The following SLC28A1 variants were observed in gnomAD, a reference collection of about 807,000 sequenced individuals.
SLC28A1 encodes the protein solute carrier family 28 member 1, also known as sodium/nucleoside cotransporter 1.
Under a neutral mutation model 74.8 loss-of-function variants are expected in SLC28A1, and 64 were observed. The ratio of observed to expected loss-of-function variants is 0.86; its 90% CI spans 0.70 to 1.05. The LOEUF is 1.05. Among genes scored for constraint, SLC28A1 ranks in the 50% least tolerant of loss-of-function variants. The pLI is 0.00. For synonymous variants in SLC28A1, 359 were observed against 335.0 expected (o/e 1.07, Z -0.78); for missense variants, 828 against 822.8 (o/e 1.01, Z -0.08).
At chr15:84,956,467 C>CTTT in the SLC28A1 span, among the ~76,000 whole-genome samples, 3,466 of 49,396 alleles carry the variant, frequency 0.07, 158 homozygotes, top group African/African-American at 0.15. Context: ...TTCTTTCTTT[C>CTTT]CTTCTTTCTT....
intron 9 of SLC28A1, among the ~76,000 whole-genome samples, chr15:84,912,817 CA>C (rs1968524949): frequency 7.8e-6 from 1 of 128,236 alleles, no homozygotes; most frequent in Non-Finnish European, 1.9e-5. Flanking sequence ...CACACACACA[CA>C]CACACACACA....
Position 84,935,956 on chromosome 15 carries a change from T to G in SLC28A1, c.1581+438T>G, listed in dbSNP as rs151077728. 4.6e-3 allele frequency among the ~76,000 whole-genome samples: 339 copies of G among 73,490 alleles called. 11 individuals carry two copies. Among genetic ancestry groups the G allele is most frequent in the South Asian group, 0.01 (10 of 970 alleles). The allele number at this position is 73,490 out of a possible 152,430, so 48.2% of individuals were successfully genotyped here. On this transcript the variant is annotated intron_variant, in intron 15 of 18. Coordinates refer to ENST00000394573, the MANE Select transcript of SLC28A1 (RefSeq NM_004213.5). ...TTTGTTTTGGTTTGGTTTTTGTTTTTTTTTTTTTTTTTTTTTGAGACGGAG... is the reference window on the plus strand; with the variant it reads ...TTTGTTTTGGTTTGGTTTTTGTTTTGTTTTTTTTTTTTTTTTGAGACGGAG...
chr15:84,959,099 CAAAAAAA>C, the SLC28A1 span, among the ~76,000 whole-genome samples: 1 of 47,094 alleles, frequency 2.1e-5, no homozygotes, highest in East Asian at 7.3e-4. Flanking sequence ...GGCTTCATCT[CAAAAAAA>C]AAAAAAAAAA....
At chr15:84,943,671 G>A (rs1304356778) in intron 16 of SLC28A1, 145 bp downstream of exon 16, 3 of 705,382 alleles carry the variant, frequency 4.3e-6, no homozygotes, top group Non-Finnish European at 5.1e-6. Flanking sequence ...GCTCATGCCT[G>A]TAATCCCAGC....
chr15:84,915,788 T>C (rs907733997), intron 9 of SLC28A1, among the ~76,000 whole-genome samples: 1 of 152,138 alleles, frequency 6.6e-6, no homozygotes, highest in Non-Finnish European at 1.5e-5. Flanking sequence ...AGCCCTTGGC[T>C]ATTTCTTTGT....
the SLC28A1 span, among the ~76,000 whole-genome samples, chr15:84,969,155 G>A: frequency 5.9e-5 from 9 of 152,270 alleles, no homozygotes; most frequent in East Asian, 7.7e-4. Context: ...GAGTCTCTGC[G>A]GAAGGACAGA....
chr15:84,927,731 C>G (rs573872681), intron 12 of SLC28A1, among the ~76,000 whole-genome samples: 30 of 152,238 alleles, frequency 2.0e-4, no homozygotes, highest in African/African-American at 6.7e-4. Context: ...TTATGGCTAG[C>G]CTTGAAGGAG....
At chr15:84,899,791 G>A (rs1966405105) in intron 6 of SLC28A1, among the ~76,000 whole-genome samples, 1 of 152,174 alleles carries the variant, frequency 6.6e-6, no homozygotes, top group Non-Finnish European at 1.5e-5. Flanking sequence ...TGCTTGGGAA[G>A]CTGAGAAAGG....
chr15:84,918,239 A>G (rs1419319666), intron 9 of SLC28A1, among the ~76,000 whole-genome samples: 1 of 151,952 alleles, frequency 6.6e-6, no homozygotes, highest in Non-Finnish European at 1.5e-5. Context: ...CTCAGGCCCC[A>G]CCCTACCACA....
At chr15:84,967,474 C>A in the SLC28A1 span, among the ~76,000 whole-genome samples, 1 of 152,228 alleles carries the variant, frequency 6.6e-6, no homozygotes, top group Non-Finnish European at 1.5e-5. Flanking sequence ...TGCTCTGACC[C>A]TCCCCTCCCA....
intron 4 of SLC28A1, 102 bp from the exon 5 acceptor site, chr15:84,890,341 T>C: frequency 1.2e-6 from 1 of 847,954 alleles, no homozygotes; most frequent in Non-Finnish European, 1.9e-6. Context: ...GGCTTGCCCC[T>C]GTTGCCACTT....
At chr15:84,885,921 G>A (rs1964547446) in intron 1 of SLC28A1, among the ~76,000 whole-genome samples, 2 of 152,104 alleles carry the variant, frequency 1.3e-5, no homozygotes, top group Admixed American at 1.3e-4. Flanking sequence ...CAAAAAGAGG[G>A]GGTGTCCATC....
chr15:84,904,046 G>A, intron 6 of SLC28A1, 51 bp from the exon 7 acceptor site: 2 of 1,612,340 alleles, frequency 1.2e-6, no homozygotes, highest in African/African-American at 1.3e-5. Flanking sequence ...GTGTGTGGGT[G>A]GGGTGGGGGT....
chr15:84,937,053 T>TA (rs33988815), intron 15 of SLC28A1, among the ~76,000 whole-genome samples: 16 of 147,552 alleles, frequency 1.1e-4, no homozygotes, highest in Admixed American at 1.3e-4. Flanking sequence ...ACCCTGTCTT[T>TA]AAAAAAAAAA....
intron 6 of SLC28A1, among the ~76,000 whole-genome samples, chr15:84,897,408 A>C (rs12913070): frequency 0.11 from 15,753 of 148,532 alleles, 1,072 homozygotes; most frequent in Non-Finnish European, 0.13. Context: ...TCCAAACCAA[A>C]CAAACAAACA....
chr15:84,893,973 G>A (rs1006658314), intron 5 of SLC28A1, among the ~76,000 whole-genome samples: 4 of 152,212 alleles, frequency 2.6e-5, no homozygotes, highest in Non-Finnish European at 5.9e-5. Context: ...TGTACCAGAG[G>A]GGTTGGGTAG....
chr15:84,935,584 T>C (rs1971790575), intron 15 of SLC28A1, 66 bp downstream of exon 15: 1 of 1,392,094 alleles, frequency 7.2e-7, no homozygotes, highest in East Asian at 2.3e-5. Flanking sequence ...TCAGGGCCCC[T>C]GGCAGCTGCT....
chr15:84,939,099 C>T (rs1596356502), intron 15 of SLC28A1, among the ~76,000 whole-genome samples: 2 of 152,254 alleles, frequency 1.3e-5, no homozygotes, highest in Middle Eastern at 3.4e-3. Flanking sequence ...GCAGGAGGCT[C>T]ACTTAAGACC....
chr15:84,920,714 G>GTA (rs1555451359), intron 10 of SLC28A1, among the ~76,000 whole-genome samples: 1 of 152,056 alleles, frequency 6.6e-6, no homozygotes, highest in African/African-American at 2.4e-5. Context: ...GTGTGTGTGT[G>GTA]TGTGTGTGTG....
Sources: allele counts gnomAD v4.1 joint callset (sites outside exome capture counted in the v4.1 genomes callset), GRCh38; gene constraint gnomAD v4.1.1; transcripts MANE v1.5; gene names NCBI Gene and HGNC (gene_info 2026-07-23, HGNC 2026-07-21).